CCDC171: variants seen among roughly 807,000 people sequenced by gnomAD.
CCDC171 encodes coiled-coil domain containing 171, also known as coiled-coil domain-containing protein 171.
Under a neutral mutation model 168.2 loss-of-function variants are expected in CCDC171, and 177 were observed. The observed-to-expected ratio is 1.05, with a 90% CI of 0.93 to 1.19. The LOEUF (loss-of-function observed/expected upper bound fraction) is 1.19, where lower values mean the gene tolerates loss of function less well. Ranked by LOEUF, CCDC171 falls within the 50% of genes most tolerant of loss-of-function variation. CCDC171 has a pLI of 0.00. For missense variants in CCDC171, 1,991 were observed against 1,539.0 expected (o/e 1.29, Z -4.91); for synonymous variants, 687 against 540.8 (o/e 1.27, Z -3.75).
At chr9:15,559,542 T>A (rs1166274078) in intron 1 of CCDC171, among the ~76,000 whole-genome samples, 1 of 152,118 alleles carries the variant, frequency 6.6e-6, no homozygotes, top group African/African-American at 2.4e-5. Context: ...TTATCAGAGA[T>A]TAGGATTGCA....
intron 6 of CCDC171, among the ~76,000 whole-genome samples, chr9:16,023,228 C>G (rs568467528): frequency 6.6e-6 from 1 of 152,148 alleles, no homozygotes; most frequent in African/African-American, 2.4e-5. Flanking sequence ...ACAGTTCTAA[C>G]AGGTCCCCAC....
intron 21 of CCDC171, among the ~76,000 whole-genome samples, chr9:15,839,466 T>A (rs1388557532): frequency 6.6e-6 from 1 of 152,182 alleles, no homozygotes; most frequent in African/African-American, 2.4e-5. Context: ...ATAAACCTAT[T>A]TACTAGTTCC....
chr9:15,906,306 A>G (rs1336486768), intron 24 of CCDC171, among the ~76,000 whole-genome samples: 2 of 152,206 alleles, frequency 1.3e-5, no homozygotes, highest in Non-Finnish European at 2.9e-5. Flanking sequence ...CCAGCAGCAC[A>G]TCAAAAAGCT....
chr9:15,809,405 G>C (rs967353826), intron 21 of CCDC171, among the ~76,000 whole-genome samples: 1 of 152,112 alleles, frequency 6.6e-6, no homozygotes. Context: ...TGGGTTCCTG[G>C]TCTCACTGAC....
chr9:16,102,106 G>C, the CCDC171 span, among the ~76,000 whole-genome samples: 1 of 152,302 alleles, frequency 6.6e-6, no homozygotes, highest in East Asian at 1.9e-4. Context: ...CACTTACAGG[G>C]GTTTCTGGTG....
chr9:16,003,945 T>A (rs1832627846), intron 3 of CCDC171, among the ~76,000 whole-genome samples: 1 of 152,200 alleles, frequency 6.6e-6, no homozygotes, highest in African/African-American at 2.4e-5. Context: ...GCGGGGAGTC[T>A]GGATTGGTTT....
chr9:15,991,367 T>C (rs1295459873), intron 3 of CCDC171, among the ~76,000 whole-genome samples: 2 of 151,170 alleles, frequency 1.3e-5, no homozygotes, highest in Non-Finnish European at 2.9e-5. Flanking sequence ...AATAAAGATG[T>C]TCTTTGAAAC....
chr9:15,926,550 C>T (rs1168207705), intron 25 of CCDC171, among the ~76,000 whole-genome samples: 2 of 151,612 alleles, frequency 1.3e-5, no homozygotes, highest in Admixed American at 6.6e-5. Context: ...AAACTATTAA[C>T]CAGCTGCCAT....
At chr9:16,018,870 C>G (rs1021769409) in intron 3 of CCDC171, among the ~76,000 whole-genome samples, 2 of 152,168 alleles carry the variant, frequency 1.3e-5, no homozygotes, top group African/African-American at 4.8e-5. Flanking sequence ...AGCTCAGAAG[C>G]CATCAGTCAG....
rs904341824 is a variant in CCDC171, at chr9:15,632,382, C to G, written c.822+8969C>G. ...AGCATTCTTATACACCAATAACAGACAAACAGAGAGCCAAATAATGAGTGA... is the reference window on the plus strand; with the variant it reads ...AGCATTCTTATACACCAATAACAGAGAAACAGAGAGCCAAATAATGAGTGA... On this transcript the variant is annotated intron_variant, in intron 7 of 25. Coordinates refer to ENST00000380701, the MANE Select transcript of CCDC171 (RefSeq NM_173550.4). 6.6e-3 allele frequency among the ~76,000 whole-genome samples: 997 copies of G among 151,934 alleles called. 9 individuals carry two copies. The highest frequency in any genetic ancestry group is 0.023 in the African/African-American group (938 of 41,378).
intron 21 of CCDC171, among the ~76,000 whole-genome samples, chr9:15,840,875 G>A (rs532160439): frequency 3.3e-5 from 5 of 151,836 alleles, no homozygotes; most frequent in South Asian, 4.2e-4. Context: ...CTTTATATGC[G>A]AGGCTTAGAA....
chr9:15,667,245 CATG>C (rs1564172829), intron 9 of CCDC171, among the ~76,000 whole-genome samples: 1 of 152,104 alleles, frequency 6.6e-6, no homozygotes, highest in Non-Finnish European at 1.5e-5. Flanking sequence ...TAGTATGTGG[CATG>C]ATAATACATT....
chr9:15,918,932 A>G (rs538878529), intron 24 of CCDC171, among the ~76,000 whole-genome samples: 26 of 151,756 alleles, frequency 1.7e-4, no homozygotes, highest in Admixed American at 1.6e-3. Context: ...CAAAGCAGTC[A>G]TTAATTCAAG....
At chr9:15,670,146 T>G (rs188737507) in intron 9 of CCDC171, among the ~76,000 whole-genome samples, 1 of 152,040 alleles carries the variant, frequency 6.6e-6, no homozygotes. Context: ...TCCTTCTTGG[T>G]TGGGAGTTTA....
chr9:16,010,396 C>T (rs536317839), intron 3 of CCDC171, among the ~76,000 whole-genome samples: 1 of 152,230 alleles, frequency 6.6e-6, no homozygotes, highest in East Asian at 1.9e-4. Flanking sequence ...GATATACGTG[C>T]AGATGCGTCA....
chr9:15,931,539 G>C (rs1260497914), intron 25 of CCDC171, among the ~76,000 whole-genome samples: 2 of 131,948 alleles, frequency 1.5e-5, no homozygotes, highest in East Asian at 5.0e-4. Context: ...GAGGTGTATA[G>C]TTTACCTATA....
chr9:15,680,404 T>C (rs1302881510), intron 10 of CCDC171, among the ~76,000 whole-genome samples: 1 of 152,212 alleles, frequency 6.6e-6, no homozygotes, highest in Non-Finnish European at 1.5e-5. Context: ...ATTTAGTTAT[T>C]GAGGACAATG....
In CCDC171 at chr9:15,727,916, C is replaced by T. The variant is rs138487813; in HGVS notation, c.1740C>T (p.Gly580=). ...CCTTATATCAGCACTTGGTAGCAGG[C>T]TGTGTGCTCATAAAACAACCAGAAG... ...LHTLYQHLVA[G]CVLIKQPEGM... Residue 580 remains glycine (G), a synonymous_variant, in exon 15 of 26, where the codon GGC becomes GGT. Transcript: ENST00000380701. 169 of 1,613,102 alleles carry T rather than the reference C, an allele frequency of 1.0e-4. No individual in the cohort carries two copies. Among genetic ancestry groups the T allele is most frequent in the Non-Finnish European group, 1.3e-4 (158 of 1,179,592 alleles).
chr9:16,100,219 A>G, the CCDC171 span, among the ~76,000 whole-genome samples: 1 of 152,194 alleles, frequency 6.6e-6, no homozygotes, highest in African/African-American at 2.4e-5. Flanking sequence ...TTATGAGAGG[A>G]AAAACCTAAA....
Sources: gnomAD v4.1 joint callset for allele counts (sites outside exome capture counted in the v4.1 genomes callset) on GRCh38, gnomAD v4.1.1 for gene constraint, MANE v1.5 for transcripts, NCBI Gene and HGNC (gene_info 2026-07-23, HGNC 2026-07-21) for gene names.